The following ZNF518A variants were observed in gnomAD, a reference collection of about 807,000 sequenced individuals.
ZNF518A encodes zinc finger protein 518.
ZNF518A carries 47 observed loss-of-function variants against 102.7 expected under a neutral mutation model. That is an observed-to-expected ratio of 0.46 (90% confidence interval 0.36 to 0.58). The LOEUF (loss-of-function observed/expected upper bound fraction) is 0.58. Ranked by LOEUF, ZNF518A falls within the 20% of genes least tolerant of loss-of-function variation. The probability of loss-of-function intolerance (pLI) is 0.00; values close to 1 mark genes in which losing one functional copy is unlikely to be tolerated. For missense variants in ZNF518A, 1,793 were observed against 1,699.8 expected (o/e 1.05, Z -0.96); for synonymous variants, 652 against 594.6 (o/e 1.10, Z -1.40).
intron 3 of ZNF518A, among the ~76,000 whole-genome samples, chr10:96,149,724 T>C (rs2082339466): frequency 6.6e-6 from 1 of 152,206 alleles, no homozygotes; most frequent in Non-Finnish European, 1.5e-5. Flanking sequence ...TCTTCTGTTT[T>C]CCATTGTGAA....
rs1554893600 is a variant in ZNF518A, at chr10:96,192,112, A to G, written n.36-11462A>G. ...AAAGTACTAGAGGAAGAAAACATAG[A>G]TGAATTATACTTTGGCATTTGTGTT... On this transcript the variant is annotated intron_variant and non_coding_transcript_variant, in intron 1 of 2. Coordinates refer to the ZNF518A transcript ENST00000442635. 2.5e-6 allele frequency: 4 copies of G among 1,613,180 alleles called. No homozygotes were observed. Among genetic ancestry groups the G allele is most frequent in the Non-Finnish European group, 3.4e-6 (4 of 1,179,538 alleles).
At chr10:96,147,427 G>T (rs587609770) in intron 3 of ZNF518A, among the ~76,000 whole-genome samples, 2 of 152,202 alleles carry the variant, frequency 1.3e-5, no homozygotes, top group South Asian at 4.2e-4. Flanking sequence ...TCCTCCATTT[G>T]ATCTCCCAAT....
intron 1 of ZNF518A, among the ~76,000 whole-genome samples, chr10:96,172,651 G>A (rs2083180474): frequency 6.6e-6 from 1 of 151,862 alleles, no homozygotes; most frequent in Non-Finnish European, 1.5e-5. Flanking sequence ...GATGTATATT[G>A]TAAGCCCTAG....
downstream of ZNF518A, chr10:96,204,179 A>T: frequency 4.4e-6 from 6 of 1,351,178 alleles, no homozygotes; most frequent in Non-Finnish European, 5.3e-6. Flanking sequence ...GTGAACAGGC[A>T]CATCACAAAT....
chr10:96,133,875 G>A (rs587743301), intron 3 of ZNF518A, among the ~76,000 whole-genome samples: 27 of 152,344 alleles, frequency 1.8e-4, no homozygotes, highest in Admixed American at 1.6e-3. Flanking sequence ...GTAGAGAGCA[G>A]TAGAGCTGAG....
chr10:96,151,941 C>T (rs587643344), intron 3 of ZNF518A, among the ~76,000 whole-genome samples: 2 of 152,306 alleles, frequency 1.3e-5, no homozygotes, highest in African/African-American at 4.8e-5. Context: ...TATTTCAAGA[C>T]TTATTGAGAT....
At chr10:96,153,833 A>G (rs1253311350) in intron 3 of ZNF518A, among the ~76,000 whole-genome samples, 1 of 152,202 alleles carries the variant, frequency 6.6e-6, no homozygotes, top group East Asian at 1.9e-4. Context: ...TCCATCTCCT[A>G]GGCACCTAAA....
intron 3 of ZNF518A, among the ~76,000 whole-genome samples, chr10:96,155,054 CATATAT>C (rs150259641): frequency 6.7e-6 from 1 of 150,248 alleles, no homozygotes; most frequent in Non-Finnish European, 1.5e-5. Flanking sequence ...TCTATTCATA[CATATAT>C]ATATATATAA....
rs3748228 is a variant in ZNF518A, at chr10:96,190,511, A to G, written n.36-13063A>G. Among the ~76,000 whole-genome samples, 96 of 152,348 alleles carry G rather than the reference A, an allele frequency of 6.3e-4. No homozygotes were observed. The East Asian group carries it at 0.018, about 29-fold the overall frequency. On this transcript the variant is annotated intron_variant and non_coding_transcript_variant, in intron 1 of 2. Coordinates refer to the ZNF518A transcript ENST00000442635. ...TGTGGCCTTATGGATTAGGACTTCA[A>G]CATATCTTTTTGAGGGGACCACAGT...
In ZNF518A at chr10:96,192,041, C is replaced by T. The variant is rs138157505; in HGVS notation, n.36-11533C>T. 60 of 1,613,526 alleles carry T rather than the reference C, an allele frequency of 3.7e-5. No homozygotes were observed. The highest frequency in any genetic ancestry group is 1.6e-4 in the Middle Eastern group (1 of 6,076). The stretch of plus-strand genomic sequence containing the variant: ...GTGTTATTCTGACTGTCAATAAGAA[C>T]CAAAGGACTATGTTGATGATTCCTG... On this transcript the variant is annotated intron_variant and non_coding_transcript_variant, in intron 1 of 2. Coordinates refer to the ZNF518A transcript ENST00000442635.
At chr10:96,166,071 A>C (rs587755384), downstream of ZNF518A, among the ~76,000 whole-genome samples, 12 of 152,312 alleles carry the variant, frequency 7.9e-5, no homozygotes, top group African/African-American at 2.6e-4. Context: ...TCTGATGTCC[A>C]AGGGCATGAA....
rs35286562 is a variant in ZNF518A, at chr10:96,179,884, A to ATTTT, written n.36-23681_36-23678dup. ...TTTTTTCTTCTTCTTTCTTTCTTTC[A>ATTTT]TTTTTTTTTTTTGACATGGAGTCTC... On this transcript the variant is annotated intron_variant and non_coding_transcript_variant, in intron 1 of 2. Transcript: ENST00000442635. Among the ~76,000 whole-genome samples, 781 of 120,942 alleles carry ATTTT rather than the reference A, an allele frequency of 6.5e-3. 3 individuals carry two copies. Among genetic ancestry groups the ATTTT allele is most frequent in the Non-Finnish European group, 9.3e-3 (533 of 57,120 alleles). 79.3% of individuals were successfully genotyped at this position (120,942 alleles called of 152,430 possible).
intron 1 of ZNF518A, chr10:96,192,120 T>C (rs782686069): frequency 6.2e-7 from 1 of 1,612,668 alleles, no homozygotes; most frequent in South Asian, 1.1e-5. Context: ...AGATGAATTA[T>C]ACTTTGGCAT....
chr10:96,190,521 T>C (rs1303900712), intron 1 of ZNF518A, among the ~76,000 whole-genome samples: 1 of 152,230 alleles, frequency 6.6e-6, no homozygotes, highest in African/African-American at 2.4e-5. Flanking sequence ...ACATATCTTT[T>C]TGAGGGGACC....
chr10:96,182,483 C>G (rs587686630), intron 1 of ZNF518A, among the ~76,000 whole-genome samples: 1 of 152,024 alleles, frequency 6.6e-6, no homozygotes, highest in Non-Finnish European at 1.5e-5. Context: ...ATAAATAGCT[C>G]TTATTATTTT....
At chr10:96,201,091 C>T (rs782206055) in intron 1 of ZNF518A, 50 of 1,566,136 alleles carry the variant, frequency 3.2e-5, no homozygotes, top group Non-Finnish European at 3.9e-5. Flanking sequence ...TTCAATTAAT[C>T]TTCATATTTC....
chr10:96,167,951 TTAATC>T (rs2083151959), downstream of ZNF518A, among the ~76,000 whole-genome samples: 1 of 152,268 alleles, frequency 6.6e-6, no homozygotes, highest in Non-Finnish European at 1.5e-5. Flanking sequence ...CTGTTTCAGA[TTAATC>T]TCAACTTAAT....
Position 96,157,187 on chromosome 10 carries a change from T to A in ZNF518A, c.865T>A (p.Leu289Ile), listed in dbSNP as rs782125287. 6.2e-7 allele frequency: 1 copy of A among 1,611,702 alleles called. No homozygotes were observed. The highest frequency in any genetic ancestry group is 1.7e-5 in the Admixed American group (1 of 59,530). ...RHVITLHKEH[L>I]YAKEKLEKDK... ...TGTTATAACTTTGCACAAAGAACAT[T>A]TATATGCAAAAGAAAAACTGGAAAA... The change falls in exon 6 of 6, where the codon TTA (leucine) becomes ATA (isoleucine). Residue 289 changes from leucine (L) to isoleucine (I), a missense_variant. Leu to Ile is a conservative substitution (Grantham distance 5, BLOSUM62 2). Around this residue, in one of 3 missense-constraint regions of ZNF518A, gnomAD observed 1,741 missense variants for 1,622.6 expected, o/e 1.07. Coordinates refer to ENST00000316045, the MANE Select transcript of ZNF518A (RefSeq NM_001330736.2).
intron 1 of ZNF518A, among the ~76,000 whole-genome samples, chr10:96,181,078 C>T (rs1454358273): frequency 6.6e-6 from 1 of 152,210 alleles, no homozygotes; most frequent in African/African-American, 2.4e-5. Flanking sequence ...TTTTGATTTG[C>T]ATTTCTCTGA....
Sources: allele counts gnomAD v4.1 joint callset (sites outside exome capture counted in the v4.1 genomes callset), GRCh38; gene constraint gnomAD v4.1.1; regional missense constraint gnomAD v4.1.1; transcripts MANE v1.5; gene names NCBI Gene and HGNC (gene_info 2026-07-23, HGNC 2026-07-21).